Variants in CEP20 observed in about 807,000 individuals in gnomAD.
The protein encoded by CEP20 is FGFR1OP N-terminal like.
Under a neutral mutation model 20.0 loss-of-function variants are expected in CEP20, and 18 were observed. The observed-to-expected ratio is 0.90, with a 90% CI of 0.62 to 1.34. The LOEUF (loss-of-function observed/expected upper bound fraction) is 1.34, where lower values mean the gene tolerates loss of function less well. CEP20 is among the 40% of genes most tolerant of loss of function. The probability of loss-of-function intolerance (pLI) is 0.00; values close to 1 mark genes in which losing one functional copy is unlikely to be tolerated. For synonymous variants in CEP20, 77 were observed against 73.7 expected (o/e 1.04, Z -0.23); for missense variants, 215 against 201.6 (o/e 1.07, Z -0.40).
rs78223157 is a variant in CEP20, at chr16:15,871,570, T to C, written c.448+1921A>G. On this transcript the variant is annotated intron_variant, in intron 4 of 4. Coordinates refer to ENST00000255759, the MANE Select transcript of CEP20 (RefSeq NM_144600.4). Reference sequence around the variant, plus strand: ...GAGAATTTGGAAAACTTCTCCATAATCTATATGTGGAAAGGTATACGGGAA... The same window carrying C: ...GAGAATTTGGAAAACTTCTCCATAACCTATATGTGGAAAGGTATACGGGAA... Among the ~76,000 whole-genome samples the C allele has an allele frequency of 3.7e-3, 557 of 152,306 alleles. 4 individuals carry two copies. The highest frequency in any genetic ancestry group is 0.012 in the African/African-American group (519 of 41,558).
chr16:15,884,042 G>T lies in CEP20; in HGVS notation c.192C>A (p.Asn64Lys). 1 of 1,613,242 alleles carries T rather than the reference G, an allele frequency of 6.2e-7. No homozygotes were observed. The highest frequency in any genetic ancestry group is 1.7e-4 in the Middle Eastern group (1 of 5,998). Residue 64 changes from asparagine (N) to lysine (K), a missense_variant, in exon 2 of 5, where the codon AAC becomes AAA. Physicochemically the swap from Asn to Lys is moderately conservative, Grantham distance 94 (BLOSUM62 0). Transcript: ENST00000255759. ...GGACAGATGCTGTATACTTATATTT[G>T]TTGAATTCTAAATACTCTCGAATTA... The part of the protein sequence containing the change: ...NELIREYLEF[N>K]KYKYTASVLI...
Position 15,871,334 on chromosome 16 carries a change from C to T in CEP20, c.448+2157G>A, listed in dbSNP as rs2044812891. 2.7e-5 allele frequency among the ~76,000 whole-genome samples: 4 copies of T among 150,896 alleles called. No homozygotes were observed. In the South Asian group the frequency reaches 8.4e-4, roughly 32 times the overall value. On this transcript the variant is annotated intron_variant, in intron 4 of 4. Transcript: ENST00000255759. ...TGAGTCCCAAAGAATACCCTGCAAACTGCTAACAGGGACACCTTCTATAAA... is the reference window on the plus strand; with the variant it reads ...TGAGTCCCAAAGAATACCCTGCAAATTGCTAACAGGGACACCTTCTATAAA...
rs1302383867 is a variant in CEP20 at position 15,884,103 on chromosome 16, G to A, written c.131C>T (p.Pro44Leu). 1 of 1,614,096 alleles carries A rather than the reference G, an allele frequency of 6.2e-7. No homozygotes were observed. The highest frequency in any genetic ancestry group is 1.1e-5 in the South Asian group (1 of 91,082). Reference protein sequence around the residue: ...NALDDDREPRPSLSHENLLIN... With the variant: ...NALDDDREPRLSLSHENLLIN... Reference sequence around the variant, plus strand: ...TAGAAGGTTTTCATGAGACAATGATGGTCGGGGTTCACGGTCATCATCTAG... The same window carrying A: ...TAGAAGGTTTTCATGAGACAATGATAGTCGGGGTTCACGGTCATCATCTAG... The change falls in exon 2 of 5, where the codon CCA becomes CTA. Residue 44 changes from proline (P) to leucine (L), a missense_variant. Transcript: ENST00000255759.
intron 2 of CEP20, 26 bp from the exon 3 acceptor site, chr16:15,879,914 A>G (rs2045060069): frequency 1.4e-6 from 2 of 1,464,118 alleles, no homozygotes; most frequent in East Asian, 2.3e-5. Context: ...TCATGAGAAC[A>G]CTCAGTCTAT....
Position 15,883,878 on chromosome 16 carries a change from T to G in CEP20, c.226+130A>C, listed in dbSNP as rs183583760. ...CTGTTTAAGCTACAGAAAGAACCCATGTGATTTTTGTGTCCCAGTCACCCA... is the reference window on the plus strand; with the variant it reads ...CTGTTTAAGCTACAGAAAGAACCCAGGTGATTTTTGTGTCCCAGTCACCCA... On this transcript the variant is annotated intron_variant, in intron 2 of 4. Coordinates refer to ENST00000255759, the MANE Select transcript of CEP20 (RefSeq NM_144600.4). 2.9e-3 allele frequency: 1,965 copies of G among 666,464 alleles called. 11 individuals carry two copies. The highest frequency in any genetic ancestry group is 3.3e-3 in the Non-Finnish European group (1,331 of 400,792). 41.3% of individuals were successfully genotyped at this position (666,464 alleles called of 1,614,324 possible). A position where few individuals can be genotyped will look rare whatever the true frequency, so the allele number is the denominator to read the frequency against.
chr16:15,873,650 C>A, intron 3 of CEP20, 23 bp from the exon 4 acceptor site: 1 of 1,591,630 alleles, frequency 6.3e-7, no homozygotes. Context: ...GAAAACAAAA[C>A]AAAACCAAAA....
intron 2 of CEP20, among the ~76,000 whole-genome samples, chr16:15,880,713 G>A (rs939921742): frequency 1.3e-4 from 20 of 151,946 alleles, no homozygotes; most frequent in African/African-American, 4.6e-4. Context: ...GGTGAGGAGT[G>A]GGCAAGCAAG....
intron 3 of CEP20, among the ~76,000 whole-genome samples, chr16:15,878,734 A>T (rs942666280): frequency 1.2e-4 from 18 of 152,116 alleles, no homozygotes; most frequent in Admixed American, 6.6e-5. Context: ...TCCTGACCTC[A>T]GGTGATCCAC....
At position 15,873,581 on chromosome 16, in the gene CEP20, C is replaced by G; in HGVS notation, c.358G>C (p.Asp120His). The G allele has an allele frequency of 1.2e-6, 2 of 1,614,016 alleles. No individual in the cohort carries two copies. Among genetic ancestry groups the G allele is most frequent in the Non-Finnish European group, 1.7e-6 (2 of 1,179,940 alleles). Residue 120 changes from aspartate to histidine, a missense_variant, in exon 4 of 5, where the codon GAT becomes CAT. Asp to His is a moderately conservative substitution (Grantham distance 81). Coordinates refer to ENST00000255759, the MANE Select transcript of CEP20 (RefSeq NM_144600.4). ...TTCAGAAATGCATTCTGGATGCCAT[C>G]CTTAGTTCCACGCAAGAAATGGGCT... ...ILAHFLRGTK[D>H]GIQNAFLKGP...
chr16:15,887,142 C>G (rs972437993), intron 1 of CEP20, among the ~76,000 whole-genome samples: 1 of 151,996 alleles, frequency 6.6e-6, no homozygotes. Flanking sequence ...TGGGCTCAAG[C>G]GATCCTCCCA....
chr16:15,882,011 G>C (rs2045109341), intron 2 of CEP20, among the ~76,000 whole-genome samples: 1 of 152,112 alleles, frequency 6.6e-6, no homozygotes, highest in Non-Finnish European at 1.5e-5. Context: ...GGCGGGAGTT[G>C]TTTGGGTCAT....
intron 3 of CEP20, among the ~76,000 whole-genome samples, chr16:15,878,041 G>A (rs58810450): frequency 0.071 from 10,800 of 151,468 alleles, 504 homozygotes; most frequent in East Asian, 0.21. Context: ...GCGACAGAGC[G>A]AGACCCTATC....
chr16:15,881,646 C>T (rs1899101261), intron 2 of CEP20, among the ~76,000 whole-genome samples: 2 of 152,082 alleles, frequency 1.3e-5, no homozygotes, highest in South Asian at 4.1e-4. Context: ...GACCAACCCC[C>T]AGCTGCATCC....
intron 4 of CEP20, among the ~76,000 whole-genome samples, chr16:15,870,811 T>C (rs2044795508): frequency 6.6e-6 from 1 of 150,658 alleles, no homozygotes; most frequent in African/African-American, 2.4e-5. Context: ...ACCTCATCTC[T>C]AAAATTAAAA....
intron 3 of CEP20, among the ~76,000 whole-genome samples, chr16:15,873,896 T>C (rs2044881803): frequency 6.8e-6 from 1 of 147,128 alleles, no homozygotes; most frequent in African/African-American, 2.6e-5. Flanking sequence ...ATCATTTCTA[T>C]CAATCCACAG....
At chr16:15,887,470 G>A (rs757416049) in intron 1 of CEP20, among the ~76,000 whole-genome samples, 1 of 152,198 alleles carries the variant, frequency 6.6e-6, no homozygotes, top group Non-Finnish European at 1.5e-5. Context: ...CAGTGATTAA[G>A]ACCTGGCGCT....
chr16:15,872,653 G>A (rs1015984508), intron 4 of CEP20, among the ~76,000 whole-genome samples: 1 of 152,106 alleles, frequency 6.6e-6, no homozygotes, highest in East Asian at 1.9e-4. Context: ...AGGTTACGGT[G>A]AGCTATAATA....
chr16:15,871,651 G>T (rs934653937), intron 4 of CEP20, among the ~76,000 whole-genome samples: 1 of 152,164 alleles, frequency 6.6e-6, no homozygotes, highest in Non-Finnish European at 1.5e-5. Context: ...TCTTAGTTGA[G>T]TTACTTAACC....
intron 3 of CEP20, among the ~76,000 whole-genome samples, chr16:15,875,311 A>C (rs1411824053): frequency 1.3e-5 from 2 of 152,194 alleles, no homozygotes; most frequent in African/African-American, 4.8e-5. Flanking sequence ...GATGATTTTT[A>C]AATGTTAAAA....
Sources: allele counts gnomAD v4.1 joint callset (sites outside exome capture counted in the v4.1 genomes callset), GRCh38; gene constraint gnomAD v4.1.1; transcripts MANE v1.5; gene names NCBI Gene and HGNC (gene_info 2026-07-23, HGNC 2026-07-21).